SCAPER: variants seen among roughly 807,000 people sequenced by gnomAD.
SCAPER encodes the protein S-phase cyclin A associated protein in the ER.
In SCAPER, 98 loss-of-function variants were observed where a neutral mutation model predicts 182.2. The ratio of observed to expected loss-of-function variants is 0.54; its 90% CI spans 0.46 to 0.64. The LOEUF is 0.64. SCAPER is among the 30% of genes least tolerant of loss of function. The pLI is 0.00. For missense variants in SCAPER, 1,432 were observed against 1,690.0 expected (o/e 0.85, Z 2.68); for synonymous variants, 605 against 564.6 (o/e 1.07, Z -1.01).
intron 21 of SCAPER, among the ~76,000 whole-genome samples, chr15:76,650,219 C>T (rs964263712): frequency 6.6e-6 from 1 of 151,666 alleles, no homozygotes; most frequent in Non-Finnish European, 1.5e-5. Context: ...AATGAAGAGA[C>T]AAATGTCCAG....
chr15:76,904,738 G>A (rs1339149789), intron 1 of SCAPER: 4 of 152,282 alleles, frequency 2.6e-5, no homozygotes, highest in Non-Finnish European at 4.4e-5. Context: ...CCAGGCCTCA[G>A]CGCACGCATC....
chr15:76,840,260 T>A (rs1021169931), intron 5 of SCAPER, among the ~76,000 whole-genome samples: 3 of 151,772 alleles, frequency 2.0e-5, no homozygotes, highest in African/African-American at 4.8e-5. Flanking sequence ...GCTACAAAAA[T>A]TTTTTTAAAA....
At chr15:76,609,129 G>A (rs1010334139) in intron 22 of SCAPER, among the ~76,000 whole-genome samples, 7 of 152,280 alleles carry the variant, frequency 4.6e-5, no homozygotes, top group Admixed American at 3.3e-4. Flanking sequence ...GCTGGTAGCT[G>A]TAGACTGGAG....
At chr15:76,502,019 A>T (rs1013648814) in intron 24 of SCAPER, among the ~76,000 whole-genome samples, 2 of 152,200 alleles carry the variant, frequency 1.3e-5, no homozygotes, top group Admixed American at 1.3e-4. Flanking sequence ...TAGCCCTGAA[A>T]ATTGAAGCTG....
chr15:76,884,219 T>C (rs974811421), intron 1 of SCAPER, among the ~76,000 whole-genome samples: 5 of 152,348 alleles, frequency 3.3e-5, no homozygotes, highest in African/African-American at 9.6e-5. Context: ...ATTAAAAATT[T>C]TGTAAAGTAA....
chr15:76,392,957 G>C (rs754327904), intron 27 of SCAPER, among the ~76,000 whole-genome samples: 37 of 152,196 alleles, frequency 2.4e-4, no homozygotes, highest in Non-Finnish European at 4.7e-4. Flanking sequence ...AGTCAGTGGA[G>C]ACTGTCCTAA....
chr15:76,383,158 A>G (rs1454244432), intron 27 of SCAPER, among the ~76,000 whole-genome samples: 1 of 151,894 alleles, frequency 6.6e-6, no homozygotes, highest in Non-Finnish European at 1.5e-5. Context: ...ACATATATAT[A>G]GGTTGTCATT....
At chr15:76,884,464 C>CA (rs1322539811) in intron 1 of SCAPER, among the ~76,000 whole-genome samples, 1 of 152,148 alleles carries the variant, frequency 6.6e-6, no homozygotes, top group East Asian at 1.9e-4. Context: ...CACTTTTACT[C>CA]AAAGAAATCC....
At chr15:76,470,555 T>C (rs1451200301) in intron 25 of SCAPER, among the ~76,000 whole-genome samples, 1 of 152,148 alleles carries the variant, frequency 6.6e-6, no homozygotes, top group East Asian at 1.9e-4. Flanking sequence ...AACTTGCAGC[T>C]TGAGAGCTAT....
Position 76,348,039 on chromosome 15 carries a change from C to A in SCAPER, c.*594G>T, listed in dbSNP as rs2141596030. The A allele has an allele frequency of 6.6e-6, 1 of 152,284 alleles. No individual in the cohort carries two copies. Among genetic ancestry groups the A allele is most frequent in the East Asian group, 1.9e-4 (1 of 5,192 alleles). The allele number at this position is 152,284 out of a possible 1,614,324, so 9.4% of individuals were successfully genotyped here. A position where few individuals can be genotyped will look rare whatever the true frequency, so the allele number is the denominator to read the frequency against. Reference sequence around the variant, plus strand: ...GGAGAGTAATTTCAGCTCGGCAATGCCAAGAGAGGATTATCTGCTAGGAGA... The same window carrying A: ...GGAGAGTAATTTCAGCTCGGCAATGACAAGAGAGGATTATCTGCTAGGAGA... On this transcript the variant is annotated 3_prime_UTR_variant, in exon 32 of 32. Coordinates refer to ENST00000563290, the MANE Select transcript of SCAPER (RefSeq NM_020843.4).
chr15:76,376,949 A>G (rs1031608245), intron 28 of SCAPER, among the ~76,000 whole-genome samples: 1 of 152,038 alleles, frequency 6.6e-6, no homozygotes, highest in Non-Finnish European at 1.5e-5. Flanking sequence ...GCGGTGGGCG[A>G]CTCAAGAAGA....
intron 23 of SCAPER, among the ~76,000 whole-genome samples, chr15:76,554,661 G>T (rs1219765429): frequency 6.6e-6 from 1 of 151,646 alleles, no homozygotes; most frequent in Non-Finnish European, 1.5e-5. Context: ...AAAAAAGAAA[G>T]AAACAGAAAA....
intron 26 of SCAPER, among the ~76,000 whole-genome samples, chr15:76,409,990 G>A (rs1475949039): frequency 1.4e-5 from 2 of 138,302 alleles, no homozygotes; most frequent in East Asian, 4.1e-4. Flanking sequence ...ACAGGGTTTT[G>A]CCTTGTTGCC....
chr15:76,855,752 TA>T (rs1260055099), intron 4 of SCAPER: 2 of 293,376 alleles, frequency 6.8e-6, no homozygotes, highest in Non-Finnish European at 7.3e-6. Flanking sequence ...TGGCTATTAC[TA>T]AAAAGTCAAA....
At chr15:76,843,455 G>C (rs1341621284) in intron 4 of SCAPER, among the ~76,000 whole-genome samples, 1 of 152,164 alleles carries the variant, frequency 6.6e-6, no homozygotes, top group Non-Finnish European at 1.5e-5. Context: ...TGACAGAACT[G>C]AAACTAGAAC....
At chr15:76,846,809 A>G (rs28848869) in intron 4 of SCAPER, among the ~76,000 whole-genome samples, 4 of 152,250 alleles carry the variant, frequency 2.6e-5, no homozygotes, top group African/African-American at 9.6e-5. Flanking sequence ...CCTCAAAAAA[A>G]CAAAAATAGA....
chr15:76,523,034 T>C (rs368954815), intron 23 of SCAPER, among the ~76,000 whole-genome samples: 2 of 151,988 alleles, frequency 1.3e-5, no homozygotes, highest in East Asian at 1.9e-4. Flanking sequence ...TATATAAATG[T>C]TGGTTCCCTA....
intron 5 of SCAPER, among the ~76,000 whole-genome samples, chr15:76,805,620 C>T (rs1054972587): frequency 5.9e-5 from 8 of 136,578 alleles, no homozygotes; most frequent in African/African-American, 1.9e-4. Flanking sequence ...AGTGCAGTGG[C>T]GTGATCTCAG....
intron 8 of SCAPER, among the ~76,000 whole-genome samples, chr15:76,776,563 C>G (rs138594992): frequency 1.3e-5 from 2 of 152,148 alleles, no homozygotes; most frequent in Non-Finnish European, 2.9e-5. Flanking sequence ...TAGTGGGAGG[C>G]AGAAAAAGTA....
Sources: gnomAD v4.1 joint callset for allele counts (sites outside exome capture counted in the v4.1 genomes callset) on GRCh38, gnomAD v4.1.1 for gene constraint, MANE v1.5 for transcripts, NCBI Gene and HGNC (gene_info 2026-07-23, HGNC 2026-07-21) for gene names.